COL28A1: variants seen among roughly 807,000 people sequenced by gnomAD.
COL28A1 encodes collagen alpha-1(XXVIII) chain.
In COL28A1, 161 loss-of-function variants were observed where a neutral mutation model predicts 150.2. The ratio of observed to expected loss-of-function variants is 1.07; its 90% CI spans 0.94 to 1.22. The LOEUF (loss-of-function observed/expected upper bound fraction) is 1.22, where lower values mean the gene tolerates loss of function less well. Ranked by LOEUF, COL28A1 falls within the 50% of genes most tolerant of loss-of-function variation. The probability of loss-of-function intolerance (pLI) is 0.00; values close to 1 mark genes in which losing one functional copy is unlikely to be tolerated. For synonymous variants in COL28A1, 552 were observed against 469.7 expected (o/e 1.18, Z -2.26); for missense variants, 1,617 against 1,388.3 (o/e 1.16, Z -2.62).
chr7:7,439,662 A>G (rs1229074223), intron 21 of COL28A1, among the ~76,000 whole-genome samples: 1 of 152,194 alleles, frequency 6.6e-6, no homozygotes, highest in Non-Finnish European at 1.5e-5. Flanking sequence ...TAGAGTAACT[A>G]GGACATAAAG....
chr7:7,472,992 C>T (rs1477648854), intron 15 of COL28A1, among the ~76,000 whole-genome samples: 3 of 152,058 alleles, frequency 2.0e-5, no homozygotes, highest in Non-Finnish European at 4.4e-5. Context: ...AGAATAAAAC[C>T]GGATCCTCAT....
chr7:7,515,695 T>C, intron 8 of COL28A1, 119 bp downstream of exon 8: 1 of 720,510 alleles, frequency 1.4e-6, no homozygotes. Context: ...AACTCAGGAA[T>C]GAGGGAATCC....
chr7:7,418,505 C>A (rs1038409611), intron 26 of COL28A1, among the ~76,000 whole-genome samples: 13 of 152,158 alleles, frequency 8.5e-5, no homozygotes, highest in Non-Finnish European at 1.6e-4. Flanking sequence ...AAATAGCATG[C>A]GCTTTCCCTT....
intron 9 of COL28A1, 82 bp from the exon 10 acceptor site, chr7:7,507,243 T>C (rs1291863522): frequency 1.4e-6 from 1 of 730,654 alleles, no homozygotes; most frequent in Non-Finnish European, 2.4e-6. Flanking sequence ...GAAGGAAATG[T>C]GTTCTCGGTA....
At chr7:7,540,915 C>T in the COL28A1 span, among the ~76,000 whole-genome samples, 1 of 152,172 alleles carries the variant, frequency 6.6e-6, no homozygotes, top group Non-Finnish European at 1.5e-5. Context: ...TAACTGATCC[C>T]TAATCAAAAC....
At chr7:7,432,342 G>A (rs1259899346) in intron 25 of COL28A1, 131 bp downstream of exon 25, 3 of 684,856 alleles carry the variant, frequency 4.4e-6, no homozygotes, top group African/African-American at 3.6e-5. Flanking sequence ...TATAGATAAG[G>A]GCAAATAACT....
intron 27 of COL28A1, among the ~76,000 whole-genome samples, chr7:7,412,960 G>A (rs574893768): frequency 6.6e-6 from 1 of 152,200 alleles, no homozygotes; most frequent in East Asian, 1.9e-4. Flanking sequence ...AAGCCACTGA[G>A]AAATGAGTCC....
chr7:7,389,990 T>C (rs1782440345), intron 27 of COL28A1, among the ~76,000 whole-genome samples: 1 of 152,196 alleles, frequency 6.6e-6, no homozygotes, highest in Non-Finnish European at 1.5e-5. Context: ...TATTTCTTTC[T>C]CTTGACTGAT....
intron 18 of COL28A1, 125 bp from the exon 19 acceptor site, chr7:7,444,614 A>T (rs910670289): frequency 2.1e-5 from 18 of 864,550 alleles, no homozygotes; most frequent in Middle Eastern, 2.6e-4. Context: ...AATTAATACT[A>T]AACTATTTGA....
chr7:7,459,217 C>T (rs1020578348), intron 15 of COL28A1, among the ~76,000 whole-genome samples: 2 of 152,194 alleles, frequency 1.3e-5, no homozygotes, highest in South Asian at 4.1e-4. Context: ...ATTTACTGAA[C>T]TCATAAAACA....
chr7:7,432,643 G>T lies in COL28A1; in HGVS notation c.1918C>A (p.Pro640Thr). 1 of 1,614,004 alleles carries T rather than the reference G, an allele frequency of 6.2e-7. No individual in the cohort carries two copies. The highest frequency in any genetic ancestry group is 1.1e-5 in the South Asian group (1 of 91,066). ...AATGTCCCACTTACAGGCACACCAG[G>T]ATAGCCATCACCTTTGAGTCCTGGA... The part of the protein sequence containing the change: ...GAPGLKGDGY[P>T]GVPGPRGLPG... Residue 640 changes from proline (P) to threonine (T), a missense_variant, in exon 24 of 35, where the codon CCT (proline) becomes ACT (threonine). Coordinates refer to ENST00000399429, the MANE Select transcript of COL28A1 (RefSeq NM_001037763.3).
chr7:7,501,900 G>C (rs563985286), intron 11 of COL28A1, among the ~76,000 whole-genome samples: 1 of 151,852 alleles, frequency 6.6e-6, no homozygotes, highest in South Asian at 2.1e-4. Context: ...GAGACGTTCC[G>C]TTTTTTTTCT....
At chr7:7,398,411 T>TTGAGATTGTTG (rs2128297514) in intron 27 of COL28A1, among the ~76,000 whole-genome samples, 1 of 151,848 alleles carries the variant, frequency 6.6e-6, no homozygotes, top group South Asian at 2.1e-4. Context: ...CAAATGAATA[T>TTGAGATTGTTG]TTGCCAATAA....
At chr7:7,517,643 A>T (rs907355372) in intron 7 of COL28A1, among the ~76,000 whole-genome samples, 153 bp downstream of exon 7, 8 of 152,110 alleles carry the variant, frequency 5.3e-5, no homozygotes, top group Non-Finnish European at 7.4e-5. Context: ...CACTTCTAAG[A>T]TCATATCTTT....
At position 7,432,545 on chromosome 7, in the gene COL28A1, A is replaced by T. The variant is rs1424036463; in HGVS notation, c.1930-4T>A. ...GTCCTGGTAATCCACGAGGTCCCTG[A>T]GATGACACAGTAAGGGAGGGAGTGA... On this transcript the variant is annotated splice_region_variant and splice_polypyrimidine_tract_variant and intron_variant, in intron 24 of 34. Coordinates refer to ENST00000399429, the MANE Select transcript of COL28A1 (RefSeq NM_001037763.3). 1 of 1,613,982 alleles carries T rather than the reference A, an allele frequency of 6.2e-7. No homozygotes were observed. Among genetic ancestry groups the T allele is most frequent in the Admixed American group, 1.7e-5 (1 of 60,010 alleles).
At chr7:7,419,549 G>A (rs1227733328) in intron 26 of COL28A1, among the ~76,000 whole-genome samples, 1 of 152,112 alleles carries the variant, frequency 6.6e-6, no homozygotes. Flanking sequence ...ATTAGCAGGT[G>A]ACCTGTTAAA....
chr7:7,484,768 G>A (rs1261987182), intron 13 of COL28A1, among the ~76,000 whole-genome samples: 1 of 152,006 alleles, frequency 6.6e-6, no homozygotes, highest in African/African-American at 2.4e-5. Flanking sequence ...AAGAAAATAT[G>A]GTATATATAC....
Position 7,407,200 on chromosome 7 carries a change from C to G in COL28A1, c.2136+10659G>C, listed in dbSNP as rs999410858. On this transcript the variant is annotated intron_variant, in intron 27 of 34. Transcript: ENST00000399429. ...TGTATAGATTGTAGAGAGGAAAGAA[C>G]TAAAACGTTTAACTAATTGAAGTTT... 2.6e-5 allele frequency among the ~76,000 whole-genome samples: 4 copies of G among 151,886 alleles called. No individual in the cohort carries two copies. The South Asian group carries it at 8.3e-4, about 32-fold the overall frequency.
At chr7:7,424,727 G>T (rs1309797474) in intron 25 of COL28A1, among the ~76,000 whole-genome samples, 1 of 152,022 alleles carries the variant, frequency 6.6e-6, no homozygotes, top group African/African-American at 2.4e-5. Context: ...CTCAAAAGAA[G>T]AATAACGGAC....
Sources: allele counts gnomAD v4.1 joint callset (sites outside exome capture counted in the v4.1 genomes callset), GRCh38; gene constraint gnomAD v4.1.1; transcripts MANE v1.5; gene names NCBI Gene and HGNC (gene_info 2026-07-23, HGNC 2026-07-21).